The following LY75 variants were observed in gnomAD, a reference collection of about 807,000 sequenced individuals.
LY75 encodes the protein C-type lectin domain family 13 member B.
A neutral mutation model predicts 231.7 loss-of-function variants in LY75; 185 were observed. The observed-to-expected ratio is 0.80, with a 90% confidence interval of 0.71 to 0.90. LY75 has a LOEUF of 0.90. Ranked by LOEUF, LY75 falls within the 40% of genes least tolerant of loss-of-function variation. The pLI, the probability that LY75 is intolerant of heterozygous loss-of-function variation, is 0.00. For missense variants in LY75, 1,947 were observed against 2,050.2 expected (o/e 0.95, Z 0.97); for synonymous variants, 668 against 689.0 (o/e 0.97, Z 0.48).
At chr2:159,898,173 C>T (rs922345732) in intron 2 of LY75, among the ~76,000 whole-genome samples, 21 of 152,248 alleles carry the variant, frequency 1.4e-4, no homozygotes, top group Non-Finnish European at 2.4e-4. Context: ...TATTCACAGG[C>T]GTGATCATTA....
intron 13 of LY75, among the ~76,000 whole-genome samples, chr2:159,870,623 G>T (rs1684983600): frequency 6.6e-6 from 1 of 151,654 alleles, no homozygotes; most frequent in African/African-American, 2.4e-5. Context: ...TCCTGACTCA[G>T]CCTCCTGAGT....
intron 23 of LY75, among the ~76,000 whole-genome samples, chr2:159,849,717 G>A (rs1017805728): frequency 2.6e-5 from 4 of 152,072 alleles, no homozygotes; most frequent in Non-Finnish European, 5.9e-5. Flanking sequence ...TATTCACAGA[G>A]TTACACAACC....
intron 13 of LY75, among the ~76,000 whole-genome samples, chr2:159,867,027 A>G (rs1291425082): frequency 2.0e-5 from 3 of 152,152 alleles, no homozygotes; most frequent in East Asian, 3.9e-4. Context: ...TTTCAAGCCC[A>G]TTTCTGGCTC....
chr2:159,803,399 C>A lies in LY75; in HGVS notation c.*1645G>T, dbSNP rs182702143. 35 of 152,162 alleles carry A rather than the reference C, an allele frequency of 2.3e-4. No homozygotes were observed. Among genetic ancestry groups the A allele is most frequent in the African/African-American group, 7.7e-4 (32 of 41,490 alleles). 9.4% of individuals were successfully genotyped at this position (152,162 alleles called of 1,614,324 possible). A position where few individuals can be genotyped will look rare whatever the true frequency, so the allele number is the denominator to read the frequency against. ...ATAAAACAACTTTATTATGACATCA[C>A]CATTATATACAGCTGTGCTTTTCAC... On this transcript the variant is annotated 3_prime_UTR_variant, in exon 35 of 35. Transcript: ENST00000263636.
At chr2:159,880,353 A>G (rs182407203) in intron 8 of LY75, among the ~76,000 whole-genome samples, 1 of 152,386 alleles carries the variant, frequency 6.6e-6, no homozygotes, top group East Asian at 1.9e-4. Flanking sequence ...GTTTTTAAAT[A>G]AAACCATTTT....
At chr2:159,892,047 T>C (rs1002053304) in intron 3 of LY75, among the ~76,000 whole-genome samples, 19 of 152,204 alleles carry the variant, frequency 1.2e-4, no homozygotes, top group African/African-American at 4.6e-4. Flanking sequence ...TATGTAATCC[T>C]CCAAGTGTGG....
intron 17 of LY75, 132 bp downstream of exon 17, chr2:159,854,772 C>T: frequency 7.3e-7 from 1 of 1,372,580 alleles, no homozygotes. Context: ...CAGTCGCTCA[C>T]CTTCCTTGCC....
At position 159,898,836 on chromosome 2, in the gene LY75, C is replaced by T. The variant is rs115711187; in HGVS notation, c.318G>A (p.Leu106=). ...RMFSCDSSAM[L]WWKCEHHSLY... is the part of the protein sequence containing the mutation. ...GAGAGTGGTGCTCACATTTCCACCA[C>T]AGCATGGCACTGGAGTCACAGCTGA... The change falls in exon 2 of 35, where the codon CTG becomes CTA. Residue 106 remains leucine, a synonymous_variant. Transcript: ENST00000263636. 815 of 1,614,224 alleles carry T rather than the reference C, an allele frequency of 5.0e-4. 14 individuals are homozygous for T. In the East Asian group the frequency reaches 0.018, roughly 36 times the overall value.
At position 159,815,543 on chromosome 2, in the gene LY75, C is replaced by T; in HGVS notation, c.4411G>A (p.Gly1471Ser). 1 of 1,612,890 alleles carries T rather than the reference C, an allele frequency of 6.2e-7. No individual in the cohort carries two copies. Among genetic ancestry groups the T allele is most frequent in the Non-Finnish European group, 8.5e-7 (1 of 1,179,752 alleles). Residue 1471 changes from glycine (G) to serine (S), a missense_variant, in exon 31 of 35, where the codon GGT becomes AGT. Transcript: ENST00000263636. ...CATGGGATATAGTCAAATGTACTAC[C>T]ATCAGACCATTCAAAACTTGATTCA... ...GSESSFEWSD[G>S]STFDYIPWKG...
chr2:159,824,412 A>C (rs1683395801), intron 28 of LY75, among the ~76,000 whole-genome samples: 1 of 152,234 alleles, frequency 6.6e-6, no homozygotes, highest in African/African-American at 2.4e-5. Context: ...CAGCAAGAAG[A>C]GTTAACTATC....
rs1685980610 is a variant in LY75 at position 159,898,828 on chromosome 2, T to A, written c.326A>T (p.Lys109Ile). ...SCDSSAMLWW[K>I]CEHHSLYGAA... ...TCCGTACAGAGAGTGGTGCTCACAT[T>A]TCCACCACAGCATGGCACTGGAGTC... The change falls in exon 2 of 35, where the codon AAA (lysine) becomes ATA (isoleucine). Residue 109 changes from lysine to isoleucine, a missense_variant. Coordinates refer to ENST00000263636, the MANE Select transcript of LY75 (RefSeq NM_002349.4). 2 of 1,614,064 alleles carry A rather than the reference T, an allele frequency of 1.2e-6. No individual in the cohort carries two copies. The highest frequency in any genetic ancestry group is 1.7e-6 in the Non-Finnish European group (2 of 1,180,032).
rs200864595 is a variant in LY75, at chr2:159,893,932, C to T, written c.619G>A (p.Gly207Ser). The T allele has an allele frequency of 1.1e-5, 18 of 1,611,714 alleles. No homozygotes were observed. The East Asian group carries it at 3.6e-4, about 32-fold the overall frequency. Residue 207 changes from glycine to serine, a missense_variant, in exon 3 of 35, where the codon GGC becomes AGC. Gly to Ser is a moderately conservative substitution (Grantham distance 56). Coordinates refer to ENST00000263636, the MANE Select transcript of LY75 (RefSeq NM_002349.4). ...TLNYEYDRKW[G>S]ICLKPENGCE... is the part of the protein sequence containing the mutation. Reference sequence around the variant, plus strand: ...TACATACCAGGCTTTAAGCAGATGCCCCACTTTCGGTCATATTCATAATTT... The same window carrying T: ...TACATACCAGGCTTTAAGCAGATGCTCCACTTTCGGTCATATTCATAATTT...
intron 24 of LY75, among the ~76,000 whole-genome samples, chr2:159,841,676 C>T (rs925227342): frequency 2.6e-5 from 4 of 152,022 alleles, no homozygotes; most frequent in Non-Finnish European, 1.5e-5. Context: ...TTTCAAACCC[C>T]CACTTGTTTA....
At chr2:159,874,190 A>AG (rs1160930205) in intron 12 of LY75, among the ~76,000 whole-genome samples, 10 of 115,118 alleles carry the variant, frequency 8.7e-5, no homozygotes, top group East Asian at 2.6e-4. Context: ...ATATATATAA[A>AG]TATATTGTAA....
intron 14 of LY75, among the ~76,000 whole-genome samples, chr2:159,863,839 A>G (rs1684782307): frequency 6.6e-6 from 1 of 152,150 alleles, no homozygotes; most frequent in Non-Finnish European, 1.5e-5. Context: ...GGCTAGAAAG[A>G]AATGTTAGCC....
At chr2:159,812,110 G>A (rs1003654193) in intron 31 of LY75, 1 of 152,036 alleles carries the variant, frequency 6.6e-6, no homozygotes, top group African/African-American at 2.4e-5. Context: ...ATTAGGATAG[G>A]GAACTTTTCT....
intron 34 of LY75, 26 bp downstream of exon 34, chr2:159,806,947 C>T (rs1274056209): frequency 1.3e-6 from 2 of 1,575,270 alleles, no homozygotes; most frequent in African/African-American, 2.7e-5. Flanking sequence ...TGCAAAAAGT[C>T]TCCTAAGGAC....
In LY75 at chr2:159,850,375, G is replaced by C; in HGVS notation, c.2976C>G (p.Ser992Arg). 2 of 1,613,604 alleles carry C rather than the reference G, an allele frequency of 1.2e-6. No homozygotes were observed. Among genetic ancestry groups the C allele is most frequent in the East Asian group, 2.2e-5 (1 of 44,848 alleles). The change falls in exon 22 of 35, where the codon AGC becomes AGG. Residue 992 changes from serine to arginine, a missense_variant. Physicochemically the swap from Ser to Arg is moderately radical, Grantham distance 110. Transcript: ENST00000263636. ...TAATTCCAGTACCTTGTTCAATCTGGCTCAACACTGAAGGAAGGGTGCCAC... is the reference window on the plus strand; with the variant it reads ...TAATTCCAGTACCTTGTTCAATCTGCCTCAACACTGAAGGAAGGGTGCCAC... ...SYGGTLPSVL[S>R]QIEQDFITSL...
intron 4 of LY75, among the ~76,000 whole-genome samples, chr2:159,887,276 A>G (rs1384906762): frequency 6.8e-6 from 1 of 147,086 alleles, no homozygotes; most frequent in Non-Finnish European, 1.5e-5. Flanking sequence ...TAGATCATTC[A>G]AATTTGTTAT....
Sources: allele counts gnomAD v4.1 joint callset (sites outside exome capture counted in the v4.1 genomes callset), GRCh38; gene constraint gnomAD v4.1.1; transcripts MANE v1.5; gene names NCBI Gene and HGNC (gene_info 2026-07-23, HGNC 2026-07-21).